TOX: variants seen among roughly 807,000 people sequenced by gnomAD.
The protein encoded by TOX is thymocyte selection-associated high mobility group box protein TOX.
Under a neutral mutation model 53.7 loss-of-function variants are expected in TOX, and 11 were observed. That is an observed-to-expected ratio of 0.20 (90% confidence interval 0.13 to 0.34). TOX has a LOEUF of 0.34. TOX is among the 10% of genes least tolerant of loss of function. The probability of loss-of-function intolerance (pLI) is 1.00; values close to 1 mark genes in which losing one functional copy is unlikely to be tolerated. For synonymous variants in TOX, 225 were observed against 245.3 expected (o/e 0.92, Z 0.77); for missense variants, 570 against 664.6 (o/e 0.86, Z 1.56).
intron 3 of TOX, among the ~76,000 whole-genome samples, chr8:58,882,594 T>C (rs903078545): frequency 2.6e-5 from 4 of 152,204 alleles, no homozygotes; most frequent in African/African-American, 7.2e-5. Context: ...TCATTAGAAA[T>C]TGACCCACTT....
At chr8:58,976,756 C>T (rs13282292) in intron 1 of TOX, among the ~76,000 whole-genome samples, 10,174 of 152,254 alleles carry the variant, frequency 0.067, 412 homozygotes, top group East Asian at 0.21. Flanking sequence ...CTAACAGGCA[C>T]GAAAACAACA....
chr8:59,057,980 G>A (rs904309400), intron 1 of TOX, among the ~76,000 whole-genome samples: 1 of 152,032 alleles, frequency 6.6e-6, no homozygotes, highest in Non-Finnish European at 1.5e-5. Context: ...CTAGAATGTG[G>A]ACTACAGGTC....
chr8:59,032,738 G>A (rs756117599), intron 1 of TOX, among the ~76,000 whole-genome samples: 2 of 152,114 alleles, frequency 1.3e-5, no homozygotes, highest in African/African-American at 2.4e-5. Context: ...AGTGGCTCAC[G>A]CCTGTAATCC....
chr8:58,930,943 A>C (rs1812244742), intron 3 of TOX, among the ~76,000 whole-genome samples: 2 of 152,196 alleles, frequency 1.3e-5, no homozygotes, highest in South Asian at 4.1e-4. Flanking sequence ...TCCAAAGACA[A>C]TTATTCAAAT....
At chr8:58,934,839 A>T (rs1812317566) in intron 3 of TOX, among the ~76,000 whole-genome samples, 1 of 152,216 alleles carries the variant, frequency 6.6e-6, no homozygotes, top group Non-Finnish European at 1.5e-5. Context: ...TGGTCTGCGT[A>T]ATCTTAAATA....
chr8:58,823,935 T>C (rs374706288), intron 6 of TOX, among the ~76,000 whole-genome samples: 2 of 152,314 alleles, frequency 1.3e-5, no homozygotes, highest in South Asian at 2.1e-4. Flanking sequence ...TACTAAAATA[T>C]ATAGCTCTGG....
intron 1 of TOX, among the ~76,000 whole-genome samples, chr8:59,056,511 G>A (rs1157548862): frequency 6.6e-6 from 1 of 150,686 alleles, no homozygotes; most frequent in Non-Finnish European, 1.5e-5. Flanking sequence ...CAGTGAAAAT[G>A]GTAAGATGAC....
chr8:58,966,762 G>A (rs1013459111), intron 1 of TOX, among the ~76,000 whole-genome samples: 1 of 151,970 alleles, frequency 6.6e-6, no homozygotes. Flanking sequence ...AGAGAAACAC[G>A]ACAGTTTCCC....
chr8:58,973,793 G>T (rs965635152), intron 1 of TOX, among the ~76,000 whole-genome samples: 1 of 151,854 alleles, frequency 6.6e-6, no homozygotes, highest in Non-Finnish European at 1.5e-5. Context: ...ATTTTCTATA[G>T]AAGTGGTTTT....
chr8:58,807,840 A>AC (rs1259151743), intron 8 of TOX, 57 bp from the exon 9 acceptor site: 26 of 1,594,740 alleles, frequency 1.6e-5, no homozygotes, highest in Non-Finnish European at 1.9e-5. Context: ...GCTACAGGTG[A>AC]CAATGGGGGG....
At chr8:58,891,316 T>C (rs757483765) in intron 3 of TOX, among the ~76,000 whole-genome samples, 3 of 151,382 alleles carry the variant, frequency 2.0e-5, no homozygotes, top group Non-Finnish European at 4.4e-5. Context: ...CTAATCTAAA[T>C]AGGAAAAAGA....
intron 3 of TOX, among the ~76,000 whole-genome samples, chr8:58,913,588 CCTT>C (rs1012980913): frequency 3.3e-4 from 50 of 152,106 alleles, no homozygotes; most frequent in African/African-American, 1.2e-3. Flanking sequence ...GGTAAAGTCA[CCTT>C]CTAACAATTG....
chr8:58,938,615 G>A (rs1170256892), intron 3 of TOX, among the ~76,000 whole-genome samples: 1 of 152,144 alleles, frequency 6.6e-6, no homozygotes, highest in Non-Finnish European at 1.5e-5. Flanking sequence ...TCAAGTATGG[G>A]ATGCTTGTAA....
At chr8:59,029,873 T>G (rs905432922) in intron 1 of TOX, among the ~76,000 whole-genome samples, 1 of 152,172 alleles carries the variant, frequency 6.6e-6, no homozygotes, top group African/African-American at 2.4e-5. Context: ...CAGCCTATTT[T>G]TCTCATGGCA....
intron 1 of TOX, among the ~76,000 whole-genome samples, chr8:59,012,885 C>G (rs369444304): frequency 6.7e-6 from 1 of 149,694 alleles, no homozygotes; most frequent in East Asian, 2.0e-4. Context: ...TCCCAGACAG[C>G]GTACTCTTTC....
chr8:58,864,314 T>C (rs920917143), intron 3 of TOX, among the ~76,000 whole-genome samples: 4 of 152,156 alleles, frequency 2.6e-5, no homozygotes, highest in Non-Finnish European at 5.9e-5. Context: ...CTGTAAGTCT[T>C]AGGATGACTA....
chr8:58,946,793 T>A (rs1179875921), intron 2 of TOX, among the ~76,000 whole-genome samples: 1 of 152,156 alleles, frequency 6.6e-6, no homozygotes, highest in South Asian at 2.1e-4. Flanking sequence ...TGTGTAAGCA[T>A]CCTGCAAAGA....
chr8:59,023,515 A>G (rs757445581), intron 1 of TOX, among the ~76,000 whole-genome samples: 3 of 152,188 alleles, frequency 2.0e-5, no homozygotes, highest in Non-Finnish European at 4.4e-5. Context: ...TCATCATAGG[A>G]GACTCAGTCT....
chr8:59,062,683 C>T (rs1190130151), intron 1 of TOX, among the ~76,000 whole-genome samples: 1 of 152,154 alleles, frequency 6.6e-6, no homozygotes, highest in African/African-American at 2.4e-5. Context: ...TAAAATTCCT[C>T]AATCCTTTAC....
Sources: gnomAD v4.1 joint callset for allele counts (sites outside exome capture counted in the v4.1 genomes callset) on GRCh38, gnomAD v4.1.1 for gene constraint, MANE v1.5 for transcripts, NCBI Gene and HGNC (gene_info 2026-07-23, HGNC 2026-07-21) for gene names.